The following POU3F3 variants were observed in gnomAD, a reference collection of about 807,000 sequenced individuals.
The protein encoded by POU3F3 is POU class 3 homeobox 3.
In POU3F3, 1 loss-of-function variant was observed where a neutral mutation model predicts 8.6. The ratio of observed to expected loss-of-function variants is 0.12; its 90% confidence interval spans 0.04 to 0.55. The LOEUF (loss-of-function observed/expected upper bound fraction) is 0.55. Ranked by LOEUF, POU3F3 falls within the 20% of genes least tolerant of loss-of-function variation. POU3F3 has a pLI of 0.91. For missense variants in POU3F3, 577 were observed against 690.7 expected, an observed-to-expected ratio of 0.84 and a Z score of 1.84; for synonymous variants, 418 against 327.4, an observed-to-expected ratio of 1.28 and a Z score of -2.99.
chr2:104,904,888 G>A, the POU3F3 span, among the ~76,000 whole-genome samples: 1 of 152,094 alleles, frequency 6.6e-6, no homozygotes. Context: ...GAAGAGAAAG[G>A]CAGAGAATGA....
At chr2:104,918,663 T>C in the POU3F3 span, among the ~76,000 whole-genome samples, 1 of 152,090 alleles carries the variant, frequency 6.6e-6, no homozygotes, top group African/African-American at 2.4e-5. Context: ...CTGGAGCAGA[T>C]TCTCTCTCGC....
In POU3F3 at chr2:104,855,459, TGCGGCG is replaced by T; in HGVS notation, c.-41_-36del. ...CGGCGGCGGCGGCCGCGGCTGCTGCTGCGGCGGCGGCGGCGGTGGTGGCGGCGGTGG... is the reference window on the plus strand; with the variant it reads ...CGGCGGCGGCGGCCGCGGCTGCTGCTGCGGCGGCGGTGGTGGCGGCGGTGG... On this transcript the variant is annotated 5_prime_UTR_variant, in exon 1 of 1. Transcript: ENST00000361360. The T allele has an allele frequency of 2.5e-6, 2 of 788,502 alleles. No individual in the cohort carries two copies. The highest frequency in any genetic ancestry group is 2.9e-6 in the Non-Finnish European group (2 of 687,016). The allele number at this position is 788,502 out of a possible 1,614,324, so 48.8% of individuals were successfully genotyped here. A position where few individuals can be genotyped will look rare whatever the true frequency, so the allele number is the denominator to read the frequency against.
chr2:104,877,967 T>G, the POU3F3 span, among the ~76,000 whole-genome samples: 3 of 152,214 alleles, frequency 2.0e-5, no homozygotes, highest in Non-Finnish European at 4.4e-5. Flanking sequence ...CTGATTCTTT[T>G]CTAAGCTGTA....
rs992584916 is a variant in POU3F3 at position 104,854,430 on chromosome 2, C to T, written c.-1081C>T. ...CAATGCACTCTTCTTCCTCCTCCTTCTCCAGACAACTGCTGGGAAAAAAAT... is the reference window on the plus strand; with the variant it reads ...CAATGCACTCTTCTTCCTCCTCCTTTTCCAGACAACTGCTGGGAAAAAAAT... On this transcript the variant is annotated 5_prime_UTR_variant, in exon 1 of 1. Transcript: ENST00000361360. This position sits in a 1 kb window ranked among gnomAD's most constrained non-coding sequence, Gnocchi z 4.5. Among the ~76,000 whole-genome samples the T allele has an allele frequency of 6.6e-6, 1 of 152,228 alleles. No homozygotes were observed. Among genetic ancestry groups the T allele is most frequent in the Non-Finnish European group, 1.5e-5 (1 of 68,038 alleles).
the POU3F3 span, among the ~76,000 whole-genome samples, chr2:104,879,015 C>T: frequency 2.6e-5 from 4 of 151,638 alleles, no homozygotes; most frequent in African/African-American, 9.7e-5. Context: ...CAACACAAAA[C>T]ATATACAGCA....
chr2:104,924,050 G>A, the POU3F3 span, among the ~76,000 whole-genome samples: 1 of 152,162 alleles, frequency 6.6e-6, no homozygotes, highest in South Asian at 2.1e-4. Context: ...TGCAGGGTAA[G>A]AGTTTTAGAG....
chr2:104,860,534 AC>A (rs945652967), downstream of POU3F3, among the ~76,000 whole-genome samples: 8 of 150,472 alleles, frequency 5.3e-5, no homozygotes, highest in South Asian at 2.1e-4. Flanking sequence ...TTTCAATCCA[AC>A]CCCCCCTCCC....
At chr2:104,890,035 G>A in the POU3F3 span, among the ~76,000 whole-genome samples, 2 of 152,084 alleles carry the variant, frequency 1.3e-5, no homozygotes, top group South Asian at 4.2e-4. Context: ...CCTGCAGCTC[G>A]CGACCTCAAG....
At position 104,855,417 on chromosome 2, in the gene POU3F3, G is replaced by GAA. The variant is rs1329715372; in HGVS notation, c.-94_-93insAA. 1 of 601,050 alleles carries GAA rather than the reference G, an allele frequency of 1.7e-6. No individual in the cohort carries two copies. Among genetic ancestry groups the GAA allele is most frequent in the African/African-American group, 2.1e-5 (1 of 47,016 alleles). 37.2% of individuals were successfully genotyped at this position (601,050 alleles called of 1,614,324 possible). A position where few individuals can be genotyped will look rare whatever the true frequency, so the allele number is the denominator to read the frequency against. ...AGGGGGGGAGGAGGCGGGAGGCGGG[G>GAA]GGCGCGGCGGCGGCGGCGGCGGCGG... On this transcript the variant is annotated 5_prime_UTR_variant, in exon 1 of 1. Coordinates refer to ENST00000361360, the MANE Select transcript of POU3F3 (RefSeq NM_006236.3).
At chr2:104,884,577 G>A in the POU3F3 span, among the ~76,000 whole-genome samples, 4 of 152,338 alleles carry the variant, frequency 2.6e-5, no homozygotes, top group African/African-American at 9.6e-5. Context: ...ATCTGGCACT[G>A]CAGCTAACAG....
downstream of POU3F3, among the ~76,000 whole-genome samples, chr2:104,860,441 G>A (rs1459132096): frequency 6.6e-6 from 1 of 152,146 alleles, no homozygotes; most frequent in African/African-American, 2.4e-5. Flanking sequence ...TATATCACCA[G>A]ATCTTTTTAA....
chr2:104,877,577 T>A, the POU3F3 span, among the ~76,000 whole-genome samples: 12 of 152,206 alleles, frequency 7.9e-5, no homozygotes, highest in African/African-American at 2.9e-4. Flanking sequence ...AAGAGAGTGA[T>A]GTGTGCAGTG....
chr2:104,862,477 G>A (rs556572624), downstream of POU3F3, among the ~76,000 whole-genome samples: 276 of 152,066 alleles, frequency 1.8e-3, 2 homozygotes, highest in African/African-American at 6.5e-3. Context: ...GAAAACCCCG[G>A]ATCAGAAGAG....
chr2:104,911,108 C>T, the POU3F3 span, among the ~76,000 whole-genome samples: 1 of 151,940 alleles, frequency 6.6e-6, no homozygotes, highest in African/African-American at 2.4e-5. Flanking sequence ...GAGGGACAAC[C>T]GTATGGTCAA....
Position 104,856,697 on chromosome 2 carries a change from G to C in POU3F3, c.1187G>C (p.Ser396Thr), listed in dbSNP as rs146486201. ...GACTCAAGCACCGGCAGCCCCACAA[G>C]CATCGACAAGATCGCGGCGCAGGGC... The part of the protein sequence containing the change: ...EADSSTGSPT[S>T]IDKIAAQGRK... The change falls in exon 1 of 1, where the codon AGC becomes ACC. Residue 396 changes from serine (S) to threonine (T), a missense_variant. Around this residue, in one of 7 missense-constraint regions of POU3F3, gnomAD observed 15 missense variants for 17.1 expected, o/e 0.88. Transcript: ENST00000361360. 6.2e-7 allele frequency: 1 copy of C among 1,614,008 alleles called. No homozygotes were observed. Among genetic ancestry groups the C allele is most frequent in the African/African-American group, 1.3e-5 (1 of 74,936 alleles).
chr2:104,872,532 G>A, the POU3F3 span: 6 of 325,614 alleles, frequency 1.8e-5, no homozygotes, highest in East Asian at 1.0e-4. This position sits in a 1 kb window ranked among gnomAD's most constrained non-coding sequence, Gnocchi z 4.6. Flanking sequence ...CTTTCCTCCC[G>A]CTAACCCCCG....
the POU3F3 span, chr2:104,872,552 T>A: frequency 6.4e-6 from 2 of 314,544 alleles, no homozygotes; most frequent in South Asian, 4.8e-5. The surrounding 1 kb of genome is among the most constrained non-coding windows in gnomAD (Gnocchi z 4.6). Flanking sequence ...GCCCTCCCGG[T>A]CCCCGAGTTC....
chr2:104,861,433 C>G (rs1443828691), downstream of POU3F3, among the ~76,000 whole-genome samples: 2 of 152,122 alleles, frequency 1.3e-5, no homozygotes, highest in African/African-American at 4.8e-5. Flanking sequence ...TTTCTTCTTT[C>G]ATGAAATGCA....
At chr2:104,898,585 C>T in the POU3F3 span, among the ~76,000 whole-genome samples, 1 of 152,056 alleles carries the variant, frequency 6.6e-6, no homozygotes, top group Non-Finnish European at 1.5e-5. Context: ...TAAAGACTGT[C>T]GTATTTTATG....
Sources: gnomAD v4.1 joint callset for allele counts (sites outside exome capture counted in the v4.1 genomes callset) on GRCh38, gnomAD v4.1.1 for gene constraint, gnomAD v4.1.1 regional missense constraint, Gnocchi (gnomAD v3.1) non-coding constraint, MANE v1.5 for transcripts, NCBI Gene and HGNC (gene_info 2026-07-23, HGNC 2026-07-21) for gene names.